Variants in ABTB2 observed in about 807,000 individuals in gnomAD.
ABTB2 encodes the protein ankyrin repeat and BTB/POZ domain-containing protein 2.
Under a neutral mutation model 104.1 loss-of-function variants are expected in ABTB2, and 56 were observed. The observed-to-expected ratio is 0.54, with a 90% CI of 0.43 to 0.67. The LOEUF (loss-of-function observed/expected upper bound fraction) is 0.67. Among genes scored for constraint, ABTB2 ranks in the 30% least tolerant of loss-of-function variants. The probability of loss-of-function intolerance (pLI) is 0.00; values close to 1 mark genes in which losing one functional copy is unlikely to be tolerated. For missense variants in ABTB2, 1,279 were observed against 1,407.7 expected (o/e 0.91, Z 1.46); for synonymous variants, 606 against 608.2 (o/e 1.00, Z 0.05).
chr11:34,221,994 G>A (rs955956973), intron 1 of ABTB2, among the ~76,000 whole-genome samples: 1 of 152,170 alleles, frequency 6.6e-6, no homozygotes, highest in Non-Finnish European at 1.5e-5. Flanking sequence ...GCAGTGAGTC[G>A]AGATCGCACC....
chr11:34,264,256 G>A (rs561275066), intron 1 of ABTB2, among the ~76,000 whole-genome samples: 3 of 152,254 alleles, frequency 2.0e-5, no homozygotes, highest in Admixed American at 1.3e-4. Context: ...TAGCTCTCTC[G>A]GCCTCAGTTT....
At chr11:34,312,991 G>GAAGAAAAA (rs1854876835) in intron 1 of ABTB2, among the ~76,000 whole-genome samples, 1 of 151,622 alleles carries the variant, frequency 6.6e-6, no homozygotes, top group Non-Finnish European at 1.5e-5. Flanking sequence ...CATGTTCTTA[G>GAAGAAAAA]AAGAAAAAAA....
At chr11:34,235,014 C>A (rs1194774622) in intron 1 of ABTB2, among the ~76,000 whole-genome samples, 1 of 152,134 alleles carries the variant, frequency 6.6e-6, no homozygotes, top group African/African-American at 2.4e-5. Flanking sequence ...CCCGCCACGG[C>A]GCCTGGCTAA....
chr11:34,154,051 A>T lies in ABTB2; in HGVS notation c.2880+214T>A, dbSNP rs1852585264. ...GTGAACTAGGGTGCAGCTGGCTCAA[A>T]AGCTCACCTCCCAAGCTACCACATG... is the stretch of plus-strand genomic sequence containing the variant. On this transcript the variant is annotated intron_variant, in intron 16 of 16. Coordinates refer to ENST00000435224, the MANE Select transcript of ABTB2 (RefSeq NM_145804.3). This position sits in a 1 kb window ranked among gnomAD's most constrained non-coding sequence, Gnocchi z 4.9. Among the ~76,000 whole-genome samples, 1 of 152,116 alleles carries T rather than the reference A, an allele frequency of 6.6e-6. No homozygotes were observed. Among genetic ancestry groups the T allele is most frequent in the Admixed American group, 6.5e-5 (1 of 15,276 alleles).
intron 3 of ABTB2, among the ~76,000 whole-genome samples, chr11:34,192,126 A>G (rs1425143635): frequency 1.3e-5 from 2 of 152,030 alleles, no homozygotes; most frequent in Non-Finnish European, 2.9e-5. Flanking sequence ...CCCCATTTCT[A>G]CAAAAATTTT....
rs762473076 is a variant in ABTB2, at chr11:34,154,508, C to T, written c.2767-130G>A. 54 of 845,502 alleles carry T rather than the reference C, an allele frequency of 6.4e-5. No homozygotes were observed. The highest frequency in any genetic ancestry group is 9.3e-5 in the Non-Finnish European group (49 of 529,028). The allele number at this position is 845,502 out of a possible 1,614,324, so 52.4% of individuals were successfully genotyped here. On this transcript the variant is annotated intron_variant, in intron 15 of 16. Transcript: ENST00000435224. This position sits in a 1 kb window ranked among gnomAD's most constrained non-coding sequence, Gnocchi z 4.9. The stretch of plus-strand genomic sequence containing the variant: ...CCTCAGGCCCCACTACCTTCTGATA[C>T]TCCTGGGCCTAACCATCCCCGCTGG...
intron 1 of ABTB2, among the ~76,000 whole-genome samples, chr11:34,347,911 T>G (rs977884723): frequency 6.6e-6 from 1 of 152,186 alleles, no homozygotes; most frequent in Admixed American, 6.5e-5. Context: ...GGGACCATCT[T>G]CTCTCACCCT....
intron 1 of ABTB2, among the ~76,000 whole-genome samples, chr11:34,251,101 T>C (rs1424212101): frequency 5.3e-5 from 8 of 152,188 alleles, no homozygotes; most frequent in African/African-American, 1.9e-4. Flanking sequence ...TCTTCTACCC[T>C]GGCTTCTTAA....
intron 1 of ABTB2, among the ~76,000 whole-genome samples, chr11:34,277,663 C>T (rs1230155044): frequency 3.3e-5 from 5 of 150,414 alleles, no homozygotes; most frequent in African/African-American, 9.7e-5. Context: ...ACCTGTAATC[C>T]CAGCTACTCA....
At chr11:34,181,518 C>CA (rs1853026378) in intron 3 of ABTB2, among the ~76,000 whole-genome samples, 1 of 152,178 alleles carries the variant, frequency 6.6e-6, no homozygotes, top group Non-Finnish European at 1.5e-5. Flanking sequence ...GCAGGCCAAG[C>CA]AAATGAGGCC....
chr11:34,289,676 C>T (rs1854544616), intron 1 of ABTB2, among the ~76,000 whole-genome samples: 2 of 152,284 alleles, frequency 1.3e-5, no homozygotes, highest in Middle Eastern at 3.4e-3. Context: ...TCTTCCTTCC[C>T]ATCCAAATGG....
intron 1 of ABTB2, among the ~76,000 whole-genome samples, chr11:34,313,053 GC>G (rs1457749014): frequency 6.6e-6 from 1 of 152,170 alleles, no homozygotes; most frequent in Non-Finnish European, 1.5e-5. Context: ...GAAACTACCT[GC>G]ACTAAAATTA....
At chr11:34,262,403 C>T (rs899005706) in intron 1 of ABTB2, among the ~76,000 whole-genome samples, 8 of 152,182 alleles carry the variant, frequency 5.3e-5, no homozygotes, top group Non-Finnish European at 1.0e-4. Flanking sequence ...GCTGCTACAT[C>T]AGATCCAGGA....
At chr11:34,152,858 C>T (rs937766599) in intron 16 of ABTB2, among the ~76,000 whole-genome samples, 4 of 152,174 alleles carry the variant, frequency 2.6e-5, no homozygotes, top group Non-Finnish European at 4.4e-5. Context: ...AGGGTGGGAA[C>T]GGGGACTGTC....
chr11:34,177,918 T>G, intron 3 of ABTB2, among the ~76,000 whole-genome samples: 1 of 152,172 alleles, frequency 6.6e-6, no homozygotes, highest in African/African-American at 2.4e-5. Context: ...TCCAGAGGTG[T>G]TGTTCAAACT....
intron 1 of ABTB2, among the ~76,000 whole-genome samples, chr11:34,225,747 C>G (rs929414050): frequency 6.6e-6 from 1 of 151,922 alleles, no homozygotes; most frequent in African/African-American, 2.4e-5. Flanking sequence ...AAGAGTGAAA[C>G]TCCACCTCAA....
At chr11:34,204,234 G>C (rs1565140153) in intron 2 of ABTB2, among the ~76,000 whole-genome samples, 1 of 152,180 alleles carries the variant, frequency 6.6e-6, no homozygotes. Flanking sequence ...ATGAAACCCA[G>C]GTCTGTGGCA....
At chr11:34,232,658 G>A (rs889177195) in intron 1 of ABTB2, among the ~76,000 whole-genome samples, 5 of 151,898 alleles carry the variant, frequency 3.3e-5, no homozygotes, top group African/African-American at 7.3e-5. Flanking sequence ...AGTATTTATC[G>A]AGCCCTTGGC....
intron 1 of ABTB2, among the ~76,000 whole-genome samples, chr11:34,275,337 AGCAG>A (rs1854370929): frequency 6.6e-6 from 1 of 152,176 alleles, no homozygotes. Context: ...GCTGAAGAAA[AGCAG>A]GTAAATGCCC....
Sources: allele counts gnomAD v4.1 joint callset (sites outside exome capture counted in the v4.1 genomes callset), GRCh38; gene constraint gnomAD v4.1.1; non-coding constraint Gnocchi (gnomAD v3.1); transcripts MANE v1.5; gene names NCBI Gene and HGNC (gene_info 2026-07-23, HGNC 2026-07-21).